The following CFAP210 variants were observed in gnomAD, a reference collection of about 807,000 sequenced individuals.
CFAP210 encodes cilia and flagella associated protein 210.
At chr2:169,649,107 G>A in the CFAP210 span, 9 of 1,290,940 alleles carry the variant, frequency 7.0e-6, no homozygotes, top group Non-Finnish European at 9.4e-6. Flanking sequence ...AAACTGCTTG[G>A]GAGTAGAAAA....
chr2:169,667,736 AT>A, the CFAP210 span, among the ~76,000 whole-genome samples: 1 of 152,072 alleles, frequency 6.6e-6, no homozygotes, highest in Non-Finnish European at 1.5e-5. Flanking sequence ...TTTGAAAGGA[AT>A]ATTTTTTTCT....
chr2:169,661,287 A>G, the CFAP210 span: 2 of 540,564 alleles, frequency 3.7e-6, no homozygotes, highest in Non-Finnish European at 7.4e-6. Context: ...TGCCGTTTGC[A>G]TCTTTTAATA....
chr2:169,679,415 C>T, the CFAP210 span, among the ~76,000 whole-genome samples: 12 of 151,898 alleles, frequency 7.9e-5, no homozygotes, highest in Admixed American at 2.0e-4. Flanking sequence ...CGCAGTGGCT[C>T]AGGCCTGTAA....
At chr2:169,653,121 C>T in the CFAP210 span, among the ~76,000 whole-genome samples, 3,815 of 123,432 alleles carry the variant, frequency 0.031, 72 homozygotes, top group East Asian at 0.11. Flanking sequence ...TATCAAGCAA[C>T]GAGGGCGAGG....
chr2:169,645,714 GAACA>G, the CFAP210 span: 69 of 672,850 alleles, frequency 1.0e-4, no homozygotes, highest in African/African-American at 1.2e-3. Context: ...GAAATACTGA[GAACA>G]ATCAATTAAA....
At chr2:169,672,073 A>G in the CFAP210 span, among the ~76,000 whole-genome samples, 4 of 152,188 alleles carry the variant, frequency 2.6e-5, no homozygotes, top group Non-Finnish European at 5.9e-5. Context: ...GTTCATCCCT[A>G]TTCGTAACAG....
chr2:169,658,290 AC>A, the CFAP210 span: 1 of 152,590 alleles, frequency 6.6e-6, no homozygotes, highest in African/African-American at 2.4e-5. Context: ...ACATATTTAA[AC>A]ATTTTCATTT....
the CFAP210 span, chr2:169,661,176 T>G: frequency 1.2e-5 from 7 of 576,978 alleles, no homozygotes; most frequent in Non-Finnish European, 6.9e-6. Context: ...GTGGAACAAA[T>G]GCACCCCATG....
the CFAP210 span, chr2:169,646,229 T>A: frequency 1.5e-6 from 2 of 1,371,510 alleles, no homozygotes; most frequent in Non-Finnish European, 2.0e-6. Context: ...GTTAAGAACA[T>A]GAACTTTCTA....
the CFAP210 span, among the ~76,000 whole-genome samples, chr2:169,680,063 C>G: frequency 0.41 from 61,758 of 151,682 alleles, 12,809 homozygotes; most frequent in Non-Finnish European, 0.44. Context: ...ATTATCTAAG[C>G]TCAATGACAA....
At chr2:169,670,668 T>A in the CFAP210 span, among the ~76,000 whole-genome samples, 2 of 152,170 alleles carry the variant, frequency 1.3e-5, no homozygotes, top group Admixed American at 6.5e-5. Context: ...TCAGGATACC[T>A]CAGGTCCTTG....
At chr2:169,651,581 T>C in the CFAP210 span, among the ~76,000 whole-genome samples, 2 of 151,230 alleles carry the variant, frequency 1.3e-5, no homozygotes, top group African/African-American at 4.9e-5. Context: ...TCTTGAACTC[T>C]TGACCTCAAG....
At chr2:169,653,870 A>G in the CFAP210 span, among the ~76,000 whole-genome samples, 9 of 152,292 alleles carry the variant, frequency 5.9e-5, no homozygotes, top group Middle Eastern at 3.4e-3. Flanking sequence ...TCTTCAGCTC[A>G]TACTTCCTCT....
At chr2:169,685,825 T>C in the CFAP210 span, among the ~76,000 whole-genome samples, 1 of 152,178 alleles carries the variant, frequency 6.6e-6, no homozygotes, top group Non-Finnish European at 1.5e-5. Flanking sequence ...AAATTCATTA[T>C]TTTGCATATG....
chr2:169,652,613 TA>T, the CFAP210 span, among the ~76,000 whole-genome samples: 5 of 151,844 alleles, frequency 3.3e-5, no homozygotes, highest in Non-Finnish European at 7.4e-5. Context: ...ACCTCATCTC[TA>T]AAAAAAAGTT....
the CFAP210 span, among the ~76,000 whole-genome samples, chr2:169,660,160 G>A: frequency 4.6e-5 from 7 of 152,058 alleles, no homozygotes; most frequent in South Asian, 6.2e-4. Context: ...AGTCCAAGGC[G>A]AGCAGATCAC....
chr2:169,689,316 G>A, the CFAP210 span, among the ~76,000 whole-genome samples: 3 of 152,038 alleles, frequency 2.0e-5, no homozygotes, highest in Admixed American at 2.0e-4. Context: ...GTTTTTTAAA[G>A]GGTAAATTTT....
chr2:169,667,902 G>A, the CFAP210 span, among the ~76,000 whole-genome samples: 2 of 152,116 alleles, frequency 1.3e-5, no homozygotes, highest in African/African-American at 2.4e-5. Context: ...AATGGTAAAT[G>A]AGCAATGGCT....
At chr2:169,686,235 C>CCCT in the CFAP210 span, among the ~76,000 whole-genome samples, 1 of 152,188 alleles carries the variant, frequency 6.6e-6, no homozygotes, top group Non-Finnish European at 1.5e-5. Flanking sequence ...GTGAGTCCTC[C>CCCT]TACTTATTAA....
Sources: allele counts gnomAD v4.1 joint callset (sites outside exome capture counted in the v4.1 genomes callset), GRCh38; gene constraint gnomAD v4.1.1; transcripts MANE v1.5; gene names NCBI Gene and HGNC (gene_info 2026-07-23, HGNC 2026-07-21).